RAPGEF6: variants seen among roughly 807,000 people sequenced by gnomAD.
RAPGEF6 encodes the protein PDZ domain containing guanine nucleotide exchange factor (GEF) 2.
Under a neutral mutation model 171.4 loss-of-function variants are expected in RAPGEF6, and 56 were observed. That is an observed-to-expected ratio of 0.33 (90% CI 0.26 to 0.41). RAPGEF6 has a LOEUF of 0.41. RAPGEF6 is among the 10% of genes least tolerant of loss of function. RAPGEF6 has a pLI of 1.00. For synonymous variants in RAPGEF6, 692 were observed against 650.1 expected (o/e 1.06, Z -0.98); for missense variants, 1,674 against 1,921.4 (o/e 0.87, Z 2.41).
intron 16 of RAPGEF6, among the ~76,000 whole-genome samples, chr5:131,478,640 AAGAAC>A (rs1435001253): frequency 2.0e-5 from 3 of 152,196 alleles, no homozygotes; most frequent in African/African-American, 7.2e-5. Flanking sequence ...CTTGGAGGAT[AAGAAC>A]CTTGATCTAT....
chr5:131,479,743 C>T lies in RAPGEF6; in HGVS notation c.1851G>A (p.Glu617=). 6.2e-7 allele frequency: 1 copy of T among 1,613,368 alleles called. No individual in the cohort carries two copies. The change falls in exon 16 of 28, where the codon GAG becomes GAA. Residue 617 remains glutamate, a synonymous_variant. Coordinates refer to ENST00000509018, the MANE Select transcript of RAPGEF6 (RefSeq NM_016340.6). ...TCTCTTGTTCAGTCCTAAAAAGTAA[C>T]TCTTTGAACACTGTGGAAATAAAAC... ...TVKTNIFVFK[E]LLFRTEQEKS... is the part of the protein sequence containing the mutation.
intron 1 of RAPGEF6, among the ~76,000 whole-genome samples, chr5:131,634,236 C>A (rs2149495603): frequency 6.6e-6 from 1 of 152,318 alleles, no homozygotes; most frequent in African/African-American, 2.4e-5. Context: ...ACCTCCAAAT[C>A]AAGGAAAACC....
chr5:131,472,654 T>G lies in RAPGEF6; in HGVS notation c.2172A>C (p.Thr724=). The G allele has an allele frequency of 6.2e-7, 1 of 1,613,804 alleles. No homozygotes were observed. Among genetic ancestry groups the G allele is most frequent in the Non-Finnish European group, 8.5e-7 (1 of 1,179,760 alleles). The change falls in exon 17 of 28, where the codon ACA becomes ACC. Residue 724 remains threonine, a synonymous_variant. Coordinates refer to ENST00000509018, the MANE Select transcript of RAPGEF6 (RefSeq NM_016340.6). The part of the protein sequence containing the change: ...HSLAIMPIPG[T]LSSSSPDLLQ... ...GGAGATCAGGGCTGCTGGATGAGAG[T>G]GTTCCAGGGATGGGCATTATAGCCA...
intron 19 of RAPGEF6, among the ~76,000 whole-genome samples, chr5:131,459,020 C>T (rs1007418640): frequency 7.9e-5 from 12 of 152,172 alleles, no homozygotes; most frequent in Admixed American, 3.3e-4. Context: ...AATAAACATG[C>T]CAGAAATAGC....
At chr5:131,632,164 A>G (rs1048005104) in intron 1 of RAPGEF6, among the ~76,000 whole-genome samples, 1 of 151,928 alleles carries the variant, frequency 6.6e-6, no homozygotes, top group African/African-American at 2.4e-5. Flanking sequence ...TGAAAAGTCA[A>G]ATAGGATGTG....
intron 15 of RAPGEF6, among the ~76,000 whole-genome samples, chr5:131,486,979 G>A (rs1015302496): frequency 3.9e-5 from 6 of 152,094 alleles, no homozygotes; most frequent in Non-Finnish European, 8.8e-5. Flanking sequence ...ATCCCTGATC[G>A]TCAGTTTTAA....
At chr5:131,493,616 T>C (rs1756440647) in intron 13 of RAPGEF6, among the ~76,000 whole-genome samples, 1 of 152,172 alleles carries the variant, frequency 6.6e-6, no homozygotes, top group African/African-American at 2.4e-5. Flanking sequence ...AATTCCAGTT[T>C]CAATTATCTC....
At chr5:131,502,112 C>T (rs1308853780) in intron 11 of RAPGEF6, among the ~76,000 whole-genome samples, 1 of 152,038 alleles carries the variant, frequency 6.6e-6, no homozygotes, top group Non-Finnish European at 1.5e-5. Context: ...AGTCCCACTA[C>T]CTAAAACCTG....
intron 1 of RAPGEF6, among the ~76,000 whole-genome samples, chr5:131,634,599 C>T (rs1766516303): frequency 6.6e-6 from 1 of 152,196 alleles, no homozygotes; most frequent in Non-Finnish European, 1.5e-5. Context: ...AATTACATGG[C>T]TGAGATACTT....
intron 1 of RAPGEF6, among the ~76,000 whole-genome samples, chr5:131,629,711 C>T (rs984475189): frequency 6.7e-6 from 1 of 150,194 alleles, no homozygotes; most frequent in African/African-American, 2.5e-5. Context: ...TGTGATTACG[C>T]CACTGCACTC....
rs186703434 is a variant in RAPGEF6, at chr5:131,553,484, A to C, written c.352-5294T>G. On this transcript the variant is annotated intron_variant, in intron 5 of 27. Coordinates refer to ENST00000509018, the MANE Select transcript of RAPGEF6 (RefSeq NM_016340.6). Reference sequence around the variant, plus strand: ...GAGCAGTCTACAAGAATTAGAGTGGATCCAGATGCTGGAACTACCAGAGAG... The same window carrying C: ...GAGCAGTCTACAAGAATTAGAGTGGCTCCAGATGCTGGAACTACCAGAGAG... 4.6e-5 allele frequency among the ~76,000 whole-genome samples: 7 copies of C among 152,362 alleles called. No homozygotes were observed. In the East Asian group the frequency reaches 1.3e-3, roughly 29 times the overall value.
intron 7 of RAPGEF6, among the ~76,000 whole-genome samples, chr5:131,515,096 C>T (rs1757988557): frequency 6.6e-6 from 1 of 152,146 alleles, no homozygotes; most frequent in African/African-American, 2.4e-5. Context: ...CTGTTTCCAT[C>T]TAGATAAACA....
intron 6 of RAPGEF6, among the ~76,000 whole-genome samples, chr5:131,523,793 A>AAAAAC (rs1554078626): frequency 6.6e-6 from 1 of 150,874 alleles, no homozygotes; most frequent in African/African-American, 2.4e-5. Flanking sequence ...GCAAGATAAA[A>AAAAAC]AAACAAACAA....
chr5:131,529,071 G>A (rs1317146629), intron 6 of RAPGEF6, among the ~76,000 whole-genome samples: 3 of 151,376 alleles, frequency 2.0e-5, no homozygotes, highest in Non-Finnish European at 4.4e-5. Flanking sequence ...AGGAAGATGA[G>A]CTCCCAACTA....
chr5:131,519,286 C>T (rs914744024), intron 7 of RAPGEF6, among the ~76,000 whole-genome samples: 11 of 152,196 alleles, frequency 7.2e-5, no homozygotes, highest in African/African-American at 2.7e-4. Flanking sequence ...TACAGTCCAT[C>T]TTCTAGTTCA....
intron 4 of RAPGEF6, among the ~76,000 whole-genome samples, chr5:131,570,152 A>C (rs1453256317): frequency 6.6e-6 from 1 of 150,394 alleles, no homozygotes; most frequent in African/African-American, 2.4e-5. Context: ...TTACAATTTG[A>C]TAAGACAGTA....
At chr5:131,601,548 A>G (rs1329556990) in intron 3 of RAPGEF6, among the ~76,000 whole-genome samples, 1 of 152,242 alleles carries the variant, frequency 6.6e-6, no homozygotes, top group South Asian at 2.1e-4. Context: ...AATACCTGAT[A>G]GAAACATAAA....
intron 5 of RAPGEF6, among the ~76,000 whole-genome samples, chr5:131,561,378 C>T (rs1418789735): frequency 2.0e-5 from 3 of 152,112 alleles, no homozygotes; most frequent in Non-Finnish European, 1.5e-5. Context: ...TCACCTGAGG[C>T]TGGGCGCAGT....
chr5:131,518,379 C>T (rs1216320296), intron 7 of RAPGEF6, among the ~76,000 whole-genome samples: 1 of 147,798 alleles, frequency 6.8e-6, no homozygotes, highest in Non-Finnish European at 1.5e-5. Context: ...CTAAAGTTAA[C>T]TGTTATGTCA....
Sources: gnomAD v4.1 joint callset for allele counts (sites outside exome capture counted in the v4.1 genomes callset) on GRCh38, gnomAD v4.1.1 for gene constraint, MANE v1.5 for transcripts, NCBI Gene and HGNC (gene_info 2026-07-23, HGNC 2026-07-21) for gene names.